KLHL7: variants seen among roughly 807,000 people sequenced by gnomAD.
KLHL7 encodes the protein kelch-like protein 7.
In KLHL7, 44 loss-of-function variants were observed where a neutral mutation model predicts 67.4. That is an observed-to-expected ratio of 0.65 (90% confidence interval 0.51 to 0.84). The LOEUF is 0.84. KLHL7 is among the 40% of genes least tolerant of loss of function. The pLI, the probability that KLHL7 is intolerant of heterozygous loss-of-function variation, is 0.00. For missense variants in KLHL7, 362 were observed against 718.1 expected (o/e 0.50, Z 5.67); for synonymous variants, 252 against 243.3 (o/e 1.04, Z -0.33).
At position 23,176,523 on chromosome 7, in the gene KLHL7, A is replaced by G. The variant is rs1477880339; in HGVS notation, c.*2225A>G. ...AGACCCTGTCTCTACAAAAAAATAAAAAGTTAGCAGGTGTGGTATATACCT... is the reference window on the plus strand; with the variant it reads ...AGACCCTGTCTCTACAAAAAAATAAGAAGTTAGCAGGTGTGGTATATACCT... On this transcript the variant is annotated 3_prime_UTR_variant, in exon 11 of 11. Transcript: ENST00000339077. 6.6e-6 allele frequency: 1 copy of G among 152,094 alleles called. No individual in the cohort carries two copies. The highest frequency in any genetic ancestry group is 1.5e-5 in the Non-Finnish European group (1 of 68,032). 9.4% of individuals were successfully genotyped at this position (152,094 alleles called of 1,614,324 possible).
At chr7:23,146,418 C>G (rs77137203) in intron 6 of KLHL7, among the ~76,000 whole-genome samples, 279 of 152,224 alleles carry the variant, frequency 1.8e-3, no homozygotes, top group African/African-American at 6.5e-3. Flanking sequence ...CTATCAAAGA[C>G]GGAGTTTGTG....
intron 4 of KLHL7, among the ~76,000 whole-genome samples, chr7:23,125,533 T>G (rs1323481193): frequency 2.0e-5 from 3 of 152,180 alleles, no homozygotes; most frequent in Non-Finnish European, 4.4e-5. Context: ...ATGAGGCAAC[T>G]TATAGTTAGG....
At chr7:23,149,097 A>G (rs1784451570) in intron 6 of KLHL7, among the ~76,000 whole-genome samples, 1 of 152,236 alleles carries the variant, frequency 6.6e-6, no homozygotes, top group African/African-American at 2.4e-5. Context: ...TAAAAATTTT[A>G]CATCCAAAAG....
chr7:23,140,978 A>G (rs780748262), intron 5 of KLHL7, 34 bp downstream of exon 5: 173 of 1,569,150 alleles, frequency 1.1e-4, no homozygotes, highest in Non-Finnish European at 1.4e-4. Context: ...TTTTCTTAAT[A>G]AAAATGTCTT....
At chr7:23,162,168 G>A (rs914654532) in intron 7 of KLHL7, among the ~76,000 whole-genome samples, 1 of 152,190 alleles carries the variant, frequency 6.6e-6, no homozygotes, top group Non-Finnish European at 1.5e-5. Flanking sequence ...TTTTAGAGAA[G>A]CAGTGCAGGG....
intron 4 of KLHL7, among the ~76,000 whole-genome samples, chr7:23,128,783 G>A (rs1783683763): frequency 6.6e-6 from 1 of 152,088 alleles, no homozygotes; most frequent in Non-Finnish European, 1.5e-5. Flanking sequence ...CCATGAATCT[G>A]CTTTCTGCCC....
chr7:23,163,661 C>T (rs1462527881), intron 7 of KLHL7, among the ~76,000 whole-genome samples: 1 of 152,072 alleles, frequency 6.6e-6, no homozygotes, highest in Non-Finnish European at 1.5e-5. Flanking sequence ...TATAGCATGG[C>T]ATATCACAGC....
At position 23,143,910 on chromosome 7, in the gene KLHL7, G is replaced by T. The variant is rs1263170852; in HGVS notation, c.678G>T (p.Met226Ile). The T allele has an allele frequency of 1.2e-6, 2 of 1,614,112 alleles. No individual in the cohort carries two copies. The highest frequency in any genetic ancestry group is 1.7e-6 in the Non-Finnish European group (2 of 1,179,994). Residue 226 changes from methionine to isoleucine, a missense_variant, in exon 6 of 11, where the codon ATG becomes ATT. This residue lies in a region of KLHL7 where 155 missense variants were observed against 280.8 expected (regional missense o/e 0.55). Transcript: ENST00000339077. ...ATGAACCTAATCGCCAGCCATTTAT[G>T]GTTGATATCCTTGCTAAAGTCAGGT... ...KYDEPNRQPF[M>I]VDILAKVRFP...
At chr7:23,147,921 AT>A (rs1784409933) in intron 6 of KLHL7, among the ~76,000 whole-genome samples, 1 of 151,546 alleles carries the variant, frequency 6.6e-6, no homozygotes, top group Non-Finnish European at 1.5e-5. Context: ...TTGGGCAGGT[AT>A]TTTTCTTAGC....
intron 1 of KLHL7, chr7:23,117,871 A>C (rs1393335405): frequency 6.2e-7 from 1 of 1,613,804 alleles, no homozygotes; most frequent in African/African-American, 1.3e-5. Flanking sequence ...TTGAATCTAC[A>C]ATCTGCTCAG....
In KLHL7 at chr7:23,146,893, ACAGT is replaced by A. The variant is rs543785175; in HGVS notation, c.793+2873_793+2876del. Among the ~76,000 whole-genome samples the A allele has an allele frequency of 1.9e-3, 286 of 152,224 alleles. 3 individuals carry two copies. The highest frequency in any genetic ancestry group is 6.5e-3 in the African/African-American group (270 of 41,532). On this transcript the variant is annotated intron_variant, in intron 6 of 10. Coordinates refer to ENST00000339077, the MANE Select transcript of KLHL7 (RefSeq NM_001031710.3). ...AAGTATAGTGTAGGTACACATACAC[ACAGT>A]CAGTTTCTCTTCTACTTCATTCTAA...
Position 23,125,176 on chromosome 7 carries a change from A to T in KLHL7, c.442+4A>T. On this transcript the variant is annotated splice_donor_region_variant and intron_variant, in intron 4 of 10. Coordinates refer to ENST00000339077, the MANE Select transcript of KLHL7 (RefSeq NM_001031710.3). ...GTTGATGCTTCAAATTGTCTTGGTA[A>T]GAAATATCAGATTCCTGTTGTGTGT... 6.2e-7 allele frequency: 1 copy of T among 1,612,846 alleles called. No individual in the cohort carries two copies. The highest frequency in any genetic ancestry group is 8.5e-7 in the Non-Finnish European group (1 of 1,179,192).
At chr7:23,158,140 AT>A (rs1784761674) in intron 7 of KLHL7, among the ~76,000 whole-genome samples, 1 of 151,780 alleles carries the variant, frequency 6.6e-6, no homozygotes, top group African/African-American at 2.4e-5. Context: ...AATTTTTTTC[AT>A]TTTTTGTAGC....
chr7:23,138,728 G>A (rs1278447222), intron 4 of KLHL7, among the ~76,000 whole-genome samples: 1 of 151,618 alleles, frequency 6.6e-6, no homozygotes, highest in African/African-American at 2.4e-5. Context: ...AGTAGAGATG[G>A]GGTTTTACCG....
At chr7:23,115,463 G>T (rs1479929788) in intron 1 of KLHL7, among the ~76,000 whole-genome samples, 3 of 152,048 alleles carry the variant, frequency 2.0e-5, no homozygotes, top group Admixed American at 2.0e-4. Flanking sequence ...ATGCTTATAG[G>T]GGCACTGTTT....
At chr7:23,110,348 A>T (rs956567379) in intron 1 of KLHL7, among the ~76,000 whole-genome samples, 2 of 152,170 alleles carry the variant, frequency 1.3e-5, no homozygotes, top group South Asian at 4.1e-4. Flanking sequence ...TAAGGCCAGT[A>T]CTTCTACCTA....
chr7:23,133,634 A>G (rs1007543790), intron 4 of KLHL7, among the ~76,000 whole-genome samples: 15 of 152,036 alleles, frequency 9.9e-5, no homozygotes, highest in African/African-American at 3.6e-4. Flanking sequence ...GGTTTTCACC[A>G]TGTTGGCCAG....
rs377037404 is a variant in KLHL7 at position 23,170,719 on chromosome 7, A to G, written c.1380-2229A>G. The stretch of plus-strand genomic sequence containing the variant: ...CTCTGACTTGATCATTACACATTGT[A>G]TACATGTGTCAAAATATCACAGGTA... On this transcript the variant is annotated intron_variant, in intron 9 of 10. Transcript: ENST00000339077. Among the ~76,000 whole-genome samples, 16 of 152,308 alleles carry G rather than the reference A, an allele frequency of 1.1e-4. No individual in the cohort carries two copies. In the East Asian group the frequency reaches 2.5e-3, roughly 24 times the overall value.
intron 8 of KLHL7, among the ~76,000 whole-genome samples, chr7:23,167,544 A>G (rs927986415): frequency 4.6e-5 from 7 of 152,128 alleles, no homozygotes. Flanking sequence ...GACATATATA[A>G]GGCTTCTTAT....
Sources: allele counts gnomAD v4.1 joint callset (sites outside exome capture counted in the v4.1 genomes callset), GRCh38; gene constraint gnomAD v4.1.1; regional missense constraint gnomAD v4.1.1; transcripts MANE v1.5; gene names NCBI Gene and HGNC (gene_info 2026-07-23, HGNC 2026-07-21).